CDH17: variants seen among roughly 807,000 people sequenced by gnomAD.
The protein encoded by CDH17 is cadherin-17.
Under a neutral mutation model 86.3 loss-of-function variants are expected in CDH17, and 67 were observed. The observed-to-expected ratio is 0.78, with a 90% CI of 0.64 to 0.95. The LOEUF (loss-of-function observed/expected upper bound fraction) is 0.95, where lower values mean the gene tolerates loss of function less well. CDH17 is among the 40% of genes least tolerant of loss of function. The probability of loss-of-function intolerance (pLI) is 0.00; values close to 1 mark genes in which losing one functional copy is unlikely to be tolerated. For synonymous variants in CDH17, 367 were observed against 366.4 expected, an observed-to-expected ratio of 1.00 and a Z score of -0.02; for missense variants, 993 against 1,017.6, an observed-to-expected ratio of 0.98 and a Z score of 0.33.
chr8:94,154,700 A>G (rs1225110826), intron 12 of CDH17, among the ~76,000 whole-genome samples: 3 of 152,148 alleles, frequency 2.0e-5, no homozygotes, highest in Non-Finnish European at 4.4e-5. Context: ...CCTCAAACTG[A>G]CAAGCTGCAC....
chr8:94,206,403 T>C (rs1814027655), intron 1 of CDH17, among the ~76,000 whole-genome samples: 1 of 152,216 alleles, frequency 6.6e-6, no homozygotes. Flanking sequence ...CAGAGATTTC[T>C]GAATCAATGC....
In CDH17 at chr8:94,177,727, GA is replaced by G; in HGVS notation, c.151-7del. On this transcript the variant is annotated splice_polypyrimidine_tract_variant and splice_region_variant and intron_variant, in intron 3 of 17. Transcript: ENST00000027335. ...GCAGGAGGATTGGCCTTAAACTGGG[GA>G]AAAAGCAAAAAACAGATTAAGTTGT... 1 of 1,605,218 alleles carries G rather than the reference GA, an allele frequency of 6.2e-7. No homozygotes were observed. Among genetic ancestry groups the G allele is most frequent in the Non-Finnish European group, 8.5e-7 (1 of 1,177,126 alleles).
intron 7 of CDH17, among the ~76,000 whole-genome samples, chr8:94,171,974 TC>T (rs1563578419): frequency 1.0e-5 from 1 of 97,904 alleles, no homozygotes; most frequent in East Asian, 4.6e-4. Flanking sequence ...CATCTCCCCC[TC>T]CCCCCTCCCC....
intron 4 of CDH17, 36 bp from the exon 5 acceptor site, chr8:94,176,715 C>T: frequency 2.1e-5 from 34 of 1,587,738 alleles, no homozygotes; most frequent in Non-Finnish European, 2.9e-5. Context: ...GTTGGTGAGA[C>T]TGAACTTCAT....
Position 94,127,351 on chromosome 8 carries a change from C to T in CDH17, c.*889G>A, listed in dbSNP as rs1812321920. The T allele has an allele frequency of 6.6e-6, 1 of 152,216 alleles. No homozygotes were observed. Among genetic ancestry groups the T allele is most frequent in the Non-Finnish European group, 1.5e-5 (1 of 68,044 alleles). The allele number at this position is 152,216 out of a possible 1,614,324, so 9.4% of individuals were successfully genotyped here. On this transcript the variant is annotated 3_prime_UTR_variant, in exon 18 of 18. Coordinates refer to ENST00000027335, the MANE Select transcript of CDH17 (RefSeq NM_004063.4). ...TCTGGCCAGCTGACTGGTTCCTTTACCAAGGTTTGCAGAGTAGGTTGTGTT... is the reference window on the plus strand; with the variant it reads ...TCTGGCCAGCTGACTGGTTCCTTTATCAAGGTTTGCAGAGTAGGTTGTGTT...
chr8:94,208,366 A>G (rs1814069610), intron 1 of CDH17, 117 bp downstream of exon 1: 1 of 152,230 alleles, frequency 6.6e-6, no homozygotes, highest in Non-Finnish European at 1.5e-5. Flanking sequence ...GCATCTGCAT[A>G]GCCCACCTCA....
At chr8:94,151,784 G>A in intron 13 of CDH17, 84 bp downstream of exon 13, 1 of 1,551,410 alleles carries the variant, frequency 6.4e-7, no homozygotes, top group South Asian at 1.2e-5. Flanking sequence ...GTCAGCCCTG[G>A]AGTCAGTGCA....
At position 94,128,213 on chromosome 8, in the gene CDH17, T is replaced by C. The variant is rs1378082800; in HGVS notation, c.*27A>G. On this transcript the variant is annotated 3_prime_UTR_variant, in exon 18 of 18. Coordinates refer to ENST00000027335, the MANE Select transcript of CDH17 (RefSeq NM_004063.4). ...GTTGTTGCTGAAATAGCACTTGCTA[T>C]ATAAATTCAAACATTCCTTTTCAAA... 4 of 1,449,842 alleles carry C rather than the reference T, an allele frequency of 2.8e-6. No homozygotes were observed. In the East Asian group the frequency reaches 6.8e-5, roughly 25 times the overall value. 89.8% of individuals were successfully genotyped at this position (1,449,842 alleles called of 1,614,324 possible).
At chr8:94,131,622 C>T (rs1812417117) in intron 15 of CDH17, among the ~76,000 whole-genome samples, 1 of 142,270 alleles carries the variant, frequency 7.0e-6, no homozygotes. Flanking sequence ...AGCACTTCAG[C>T]ACTATAGTTC....
intron 1 of CDH17, among the ~76,000 whole-genome samples, chr8:94,215,795 C>A (rs770935973): frequency 1.1e-4 from 16 of 151,360 alleles, no homozygotes; most frequent in South Asian, 2.1e-4. Context: ...CCCTTCAGAT[C>A]ATTTTGTTCT....
chr8:94,188,444 G>A (rs1586272056), intron 3 of CDH17, among the ~76,000 whole-genome samples: 1 of 152,272 alleles, frequency 6.6e-6, no homozygotes, highest in South Asian at 2.1e-4. Context: ...CCACTTCCCT[G>A]GTTCAGGGGA....
chr8:94,205,511 T>C (rs1225994486), intron 1 of CDH17, among the ~76,000 whole-genome samples: 1 of 152,134 alleles, frequency 6.6e-6, no homozygotes, highest in Non-Finnish European at 1.5e-5. Context: ...ATTTGCAAAG[T>C]GACCCAAGGC....
intron 7 of CDH17, 106 bp downstream of exon 7, chr8:94,173,691 A>T: frequency 1.2e-6 from 1 of 851,212 alleles, no homozygotes; most frequent in South Asian, 1.5e-5. Flanking sequence ...CATGCTATGA[A>T]AAAGGTATCT....
At chr8:94,130,821 C>A in intron 16 of CDH17, 55 bp downstream of exon 16, 1 of 1,495,570 alleles carries the variant, frequency 6.7e-7, no homozygotes, top group Non-Finnish European at 9.3e-7. Context: ...AGAATCTCCT[C>A]AAACGGCCCA....
intron 14 of CDH17, 78 bp downstream of exon 14, chr8:94,148,666 C>T: frequency 4.4e-6 from 5 of 1,146,024 alleles, no homozygotes; most frequent in Non-Finnish European, 5.8e-6. Context: ...GTTTTCTTAT[C>T]CTCCCTCCCA....
At chr8:94,181,555 A>G (rs1813488109) in intron 3 of CDH17, among the ~76,000 whole-genome samples, 1 of 152,072 alleles carries the variant, frequency 6.6e-6, no homozygotes, top group African/African-American at 2.4e-5. Flanking sequence ...TCAAAGAAGA[A>G]ATCAAGGGAA....
intron 1 of CDH17, among the ~76,000 whole-genome samples, chr8:94,199,083 A>ATATATATATATAT (rs1283889347): frequency 4.3e-5 from 1 of 23,224 alleles, no homozygotes; most frequent in African/African-American, 1.1e-4. Context: ...ATATATATAT[A>ATATATATATATAT]TTTTTTTTTT....
In CDH17 at chr8:94,127,944, T is replaced by C; in HGVS notation, c.*296A>G. The C allele has an allele frequency of 3.6e-6, 1 of 278,968 alleles. No individual in the cohort carries two copies. The highest frequency in any genetic ancestry group is 4.8e-5 in the South Asian group (1 of 20,804). The allele number at this position is 278,968 out of a possible 1,614,324, so 17.3% of individuals were successfully genotyped here. A position where few individuals can be genotyped will look rare whatever the true frequency, so the allele number is the denominator to read the frequency against. ...CCCGTCTCTATTAAAAATACAAAAA[T>C]TAGCTGGGCATGGTGGTGGGTGCCT... On this transcript the variant is annotated 3_prime_UTR_variant, in exon 18 of 18. Coordinates refer to ENST00000027335, the MANE Select transcript of CDH17 (RefSeq NM_004063.4).
chr8:94,141,003 G>T (rs192312454), intron 15 of CDH17, among the ~76,000 whole-genome samples: 81 of 152,168 alleles, frequency 5.3e-4, no homozygotes, highest in Non-Finnish European at 9.6e-4. Flanking sequence ...GAGGTGGAAT[G>T]CTTCCTCATT....
Sources: gnomAD v4.1 joint callset for allele counts (sites outside exome capture counted in the v4.1 genomes callset) on GRCh38, gnomAD v4.1.1 for gene constraint, MANE v1.5 for transcripts, NCBI Gene and HGNC (gene_info 2026-07-23, HGNC 2026-07-21) for gene names.